STX12: variants seen among roughly 807,000 people sequenced by gnomAD.
STX12 encodes syntaxin 12.
In STX12, 17 loss-of-function variants were observed where a neutral mutation model predicts 42.2. The ratio of observed to expected loss-of-function variants is 0.40; its 90% CI spans 0.28 to 0.60. STX12 has a LOEUF of 0.60. Ranked by LOEUF, STX12 falls within the 20% of genes least tolerant of loss-of-function variation. STX12 has a pLI of 0.39. For missense variants in STX12, 297 were observed against 330.9 expected (o/e 0.90, Z 0.79); for synonymous variants, 108 against 116.7 (o/e 0.93, Z 0.48).
rs1268603798 is a variant in STX12, at chr1:27,773,294, C to G, written c.-14C>G. The G allele has an allele frequency of 1.3e-6, 2 of 1,570,332 alleles. No homozygotes were observed. The highest frequency in any genetic ancestry group is 1.7e-5 in the Admixed American group (1 of 57,590). The stretch of plus-strand genomic sequence containing the variant: ...GGAGAGCGGTGTAGAGCGAGCAGGT[C>G]TCAGCTCCTCGTCATGTCATACGGT... On this transcript the variant is annotated 5_prime_UTR_variant, in exon 1 of 9. Transcript: ENST00000373943.
intron 6 of STX12, among the ~76,000 whole-genome samples, chr1:27,815,681 A>G (rs925452656): frequency 6.6e-6 from 1 of 152,194 alleles, no homozygotes; most frequent in Non-Finnish European, 1.5e-5. Flanking sequence ...TGAAATGCTG[A>G]CAAGACTTGC....
chr1:27,803,296 A>C (rs2088838516), intron 4 of STX12, among the ~76,000 whole-genome samples: 1 of 152,232 alleles, frequency 6.6e-6, no homozygotes, highest in Admixed American at 6.5e-5. Flanking sequence ...CAGACCAGAG[A>C]CAAAGAGAAA....
intron 6 of STX12, among the ~76,000 whole-genome samples, chr1:27,813,964 G>T (rs763688954): frequency 5.3e-5 from 8 of 151,880 alleles, no homozygotes; most frequent in African/African-American, 9.7e-5. Context: ...GCAGTGGCGC[G>T]TTCTTGGCTC....
In STX12 at chr1:27,789,661, TG is replaced by T. The variant is rs766285722; in HGVS notation, c.188+31del. 7.6e-6 allele frequency: 12 copies of T among 1,569,218 alleles called. No individual in the cohort carries two copies. The African/African-American group carries it at 1.6e-4, about 21-fold the overall frequency. ...GTAACTTCCTGACAAGGTTGGGTTTTGTGAGGGCCATTTGAGGACACAGTGT... is the reference window on the plus strand; with the variant it reads ...GTAACTTCCTGACAAGGTTGGGTTTTTGAGGGCCATTTGAGGACACAGTGT... On this transcript the variant is annotated intron_variant, in intron 2 of 8. Transcript: ENST00000373943.
At chr1:27,805,126 C>T (rs555666064) in intron 4 of STX12, among the ~76,000 whole-genome samples, 45 of 152,236 alleles carry the variant, frequency 3.0e-4, no homozygotes, top group Admixed American at 1.8e-3. Context: ...GCCCTTGACA[C>T]GTGGGGATTA....
rs529224621 is a variant in STX12, at chr1:27,822,173, TACAC to T, written c.733-56_733-53del. ...GATTTATGAAGCATTCTTAGAGTCT[TACAC>T]ATACAAATTTTACTTGTTTCATGAG... On this transcript the variant is annotated intron_variant, in intron 8 of 8. Transcript: ENST00000373943. The T allele has an allele frequency of 5.1e-4, 532 of 1,039,452 alleles. 6 individuals are homozygous for T. Among genetic ancestry groups the T allele is most frequent in the South Asian group, 4.2e-3 (331 of 79,468 alleles). 64.4% of individuals were successfully genotyped at this position (1,039,452 alleles called of 1,614,324 possible).
At chr1:27,782,969 T>C (rs1049942439) in intron 1 of STX12, among the ~76,000 whole-genome samples, 1 of 152,268 alleles carries the variant, frequency 6.6e-6, no homozygotes, top group Non-Finnish European at 1.5e-5. Flanking sequence ...TATCATTTTC[T>C]CATTTGGTGT....
At chr1:27,816,963 A>G (rs1374313103) in intron 6 of STX12, among the ~76,000 whole-genome samples, 1 of 138,634 alleles carries the variant, frequency 7.2e-6, no homozygotes, top group Non-Finnish European at 1.6e-5. Flanking sequence ...AGAAAGAAGG[A>G]AGGGAGGGAG....
At chr1:27,777,057 C>G (rs748299201) in intron 1 of STX12, among the ~76,000 whole-genome samples, 1 of 152,154 alleles carries the variant, frequency 6.6e-6, no homozygotes, top group Non-Finnish European at 1.5e-5. Context: ...AAAATCCCTC[C>G]CCTGATTGTG....
chr1:27,809,188 G>T (rs573490299), intron 4 of STX12, among the ~76,000 whole-genome samples: 1 of 151,966 alleles, frequency 6.6e-6, no homozygotes, highest in Admixed American at 6.6e-5. Flanking sequence ...ACAAAAATTA[G>T]CTGGGCGTGG....
Position 27,822,550 on chromosome 1 carries a change from T to C in STX12, c.*221T>C, listed in dbSNP as rs762419865. The C allele has an allele frequency of 1.2e-5, 5 of 428,972 alleles. No homozygotes were observed. Among genetic ancestry groups the C allele is most frequent in the East Asian group, 7.3e-5 (2 of 27,246 alleles). 26.6% of individuals were successfully genotyped at this position (428,972 alleles called of 1,614,324 possible). On this transcript the variant is annotated 3_prime_UTR_variant, in exon 9 of 9. Transcript: ENST00000373943. ...ATTTCTCAAATTAGGAATTAACTTA[T>C]GTGGATTTTGCTTCCTCTTGTATTC...
chr1:27,798,780 C>CAAA (rs61253983), intron 3 of STX12, among the ~76,000 whole-genome samples: 10 of 54,508 alleles, frequency 1.8e-4, no homozygotes, highest in East Asian at 8.8e-4. Context: ...GACTCCGTCT[C>CAAA]AAAAAAAAAA....
chr1:27,790,133 ATAG>A (rs2148599487), intron 2 of STX12, among the ~76,000 whole-genome samples: 1 of 152,336 alleles, frequency 6.6e-6, no homozygotes, highest in South Asian at 2.1e-4. Flanking sequence ...CTGAAACAAT[ATAG>A]TAGAACAATT....
intron 4 of STX12, among the ~76,000 whole-genome samples, chr1:27,806,635 C>G (rs2088864084): frequency 6.6e-6 from 1 of 152,144 alleles, no homozygotes. Flanking sequence ...TACAATAATA[C>G]TAGTGCAATT....
intron 2 of STX12, among the ~76,000 whole-genome samples, chr1:27,793,050 G>A (rs2088759739): frequency 6.6e-6 from 1 of 152,180 alleles, no homozygotes; most frequent in African/African-American, 2.4e-5. Context: ...CAAGAGCATG[G>A]GATTAGATGT....
intron 1 of STX12, among the ~76,000 whole-genome samples, chr1:27,780,968 AAGG>A (rs985297602): frequency 1.3e-5 from 2 of 152,038 alleles, no homozygotes; most frequent in Non-Finnish European, 2.9e-5. Flanking sequence ...CAAAAAAAAA[AAGG>A]GGGGATGTTT....
At chr1:27,815,368 T>C (rs1478837802) in intron 6 of STX12, among the ~76,000 whole-genome samples, 1 of 152,190 alleles carries the variant, frequency 6.6e-6, no homozygotes, top group Non-Finnish European at 1.5e-5. Flanking sequence ...TATCTAGTAA[T>C]TTCCAAACTC....
intron 4 of STX12, 95 bp downstream of exon 4, chr1:27,801,910 G>T (rs1312205047): frequency 6.9e-7 from 1 of 1,452,252 alleles, no homozygotes; most frequent in African/African-American, 1.5e-5. Flanking sequence ...CAATAAACAT[G>T]TAAGTTAGCT....
chr1:27,812,262 G>A lies in STX12; in HGVS notation c.570G>A (p.Gln190=). Residue 190 remains glutamine, a synonymous_variant, in exon 6 of 9, where the codon CAG becomes CAA. Coordinates refer to ENST00000373943, the MANE Select transcript of STX12 (RefSeq NM_177424.3). ...LIKERETAIR[Q]LEADILDVNQ... is the part of the protein sequence containing the mutation. ...AAGAAAGAGAAACGGCAATTCGGCA[G>A]CTGGAGGTGAGAGCCACGTCATGTT... is the stretch of plus-strand genomic sequence containing the variant. 2 of 1,554,972 alleles carry A rather than the reference G, an allele frequency of 1.3e-6. No individual in the cohort carries two copies. Among genetic ancestry groups the A allele is most frequent in the Non-Finnish European group, 1.7e-6 (2 of 1,148,776 alleles).
Sources: gnomAD v4.1 joint callset for allele counts (sites outside exome capture counted in the v4.1 genomes callset) on GRCh38, gnomAD v4.1.1 for gene constraint, MANE v1.5 for transcripts, NCBI Gene and HGNC (gene_info 2026-07-23, HGNC 2026-07-21) for gene names.